ZNF107: variants seen among roughly 807,000 people sequenced by gnomAD.
ZNF107 encodes C2H2 type zinc-finger protein.
Under a neutral mutation model 12.3 loss-of-function variants are expected in ZNF107, and 19 were observed. The ratio of observed to expected loss-of-function variants is 1.55; its 90% CI spans 1.08 to 2.27. The LOEUF (loss-of-function observed/expected upper bound fraction) is 2.27, where lower values mean the gene tolerates loss of function less well. ZNF107 is among the 30% of genes most tolerant of loss of function. The pLI is 0.00. For missense variants in ZNF107, 958 were observed against 979.9 expected, an observed-to-expected ratio of 0.98 and a Z score of 0.30; for synonymous variants, 317 against 330.5, an observed-to-expected ratio of 0.96 and a Z score of 0.44.
intron 3 of ZNF107, among the ~76,000 whole-genome samples, chr7:64,700,608 C>T (rs1055302759): frequency 6.9e-6 from 1 of 144,226 alleles, no homozygotes; most frequent in Non-Finnish European, 1.5e-5. Flanking sequence ...GGCGTGATCC[C>T]AGCTCACTGC....
intron 3 of ZNF107, among the ~76,000 whole-genome samples, chr7:64,703,092 T>C (rs1463100574): frequency 6.6e-6 from 1 of 152,210 alleles, no homozygotes; most frequent in Non-Finnish European, 1.5e-5. Context: ...ATTCCATGCT[T>C]TAATTTTGTT....
In ZNF107 at chr7:64,709,988, T is replaced by G. The variant is rs1437767899; in HGVS notation, c.*1332T>G. 1 of 253,794 alleles carries G rather than the reference T, an allele frequency of 3.9e-6. No homozygotes were observed. Among genetic ancestry groups the G allele is most frequent in the African/African-American group, 2.4e-5 (1 of 42,362 alleles). The allele number at this position is 253,794 out of a possible 1,614,324, so 15.7% of individuals were successfully genotyped here. A position where few individuals can be genotyped will look rare whatever the true frequency, so the allele number is the denominator to read the frequency against. ...AAAAATTTTACAAAAATTAGCTGCGTGTGGTGGCAGGCCCCTGTAATCCCA... is the reference window on the plus strand; with the variant it reads ...AAAAATTTTACAAAAATTAGCTGCGGGTGGTGGCAGGCCCCTGTAATCCCA... On this transcript the variant is annotated 3_prime_UTR_variant, in exon 4 of 4. Coordinates refer to ENST00000620827, the MANE Select transcript of ZNF107 (RefSeq NM_001282359.2).
chr7:64,707,257 A>G lies in ZNF107; in HGVS notation c.1160A>G (p.His387Arg), dbSNP rs1790689504. The G allele has an allele frequency of 6.2e-7, 1 of 1,613,302 alleles. No individual in the cohort carries two copies. The highest frequency in any genetic ancestry group is 1.7e-5 in the Admixed American group (1 of 59,916). Residue 387 changes from histidine (H) to arginine (R), a missense_variant, in exon 4 of 4, where the codon CAT (histidine) becomes CGT (arginine). Transcript: ENST00000620827. Reference sequence around the variant, plus strand: ...AACCGATCCTTAAAACTTACTGCACATAAGAAAATTCTAATGGAAGAGAAA... The same window carrying G: ...AACCGATCCTTAAAACTTACTGCACGTAAGAAAATTCTAATGGAAGAGAAA... ...AFNRSLKLTA[H>R]KKILMEEKPY... is the part of the protein sequence containing the mutation.
intron 1 of ZNF107, chr7:64,679,191 C>T: frequency 1.0e-6 from 1 of 984,806 alleles, no homozygotes; most frequent in Non-Finnish European, 1.2e-6. Flanking sequence ...TGCCATAACA[C>T]ACATTTGATG....
rs1304024097 is a variant in ZNF107, at chr7:64,707,066, C to G, written c.969C>G (p.Asn323Lys). Residue 323 changes from asparagine (N) to lysine (K), a missense_variant, in exon 4 of 4, where the codon AAC becomes AAG. Transcript: ENST00000620827. The part of the protein sequence containing the change: ...YKCKECGKAF[N>K]LFSNLTNHKR... Reference sequence around the variant, plus strand: ...GTAAAGAATGTGGAAAAGCTTTTAACCTATTCTCAAATCTTACTAACCATA... The same window carrying G: ...GTAAAGAATGTGGAAAAGCTTTTAAGCTATTCTCAAATCTTACTAACCATA... 2 of 1,611,130 alleles carry G rather than the reference C, an allele frequency of 1.2e-6. No homozygotes were observed. The highest frequency in any genetic ancestry group is 1.7e-6 in the Non-Finnish European group (2 of 1,179,178).
At chr7:64,686,096 A>G (rs1289233587) in intron 1 of ZNF107, among the ~76,000 whole-genome samples, 6 of 152,030 alleles carry the variant, frequency 3.9e-5, no homozygotes, top group Non-Finnish European at 1.5e-5. Flanking sequence ...CTGCAGAACC[A>G]CCGTGGCTTA....
At position 64,707,899 on chromosome 7, in the gene ZNF107, C is replaced by G; in HGVS notation, c.1802C>G (p.Ala601Gly). ...KLNKCEEFGKAFKQSSHRTIH... is the reference protein window; with the variant it reads ...KLNKCEEFGKGFKQSSHRTIH... ...AACAAATGTGAAGAATTTGGCAAGG[C>G]CTTTAAACAGTCCTCACACCGTACT... Residue 601 changes from alanine (A) to glycine (G), a missense_variant, in exon 4 of 4, where the codon GCC (alanine) becomes GGC (glycine). Transcript: ENST00000620827. The G allele has an allele frequency of 6.2e-7, 1 of 1,613,660 alleles. No individual in the cohort carries two copies. The highest frequency in any genetic ancestry group is 8.5e-7 in the Non-Finnish European group (1 of 1,179,778).
At chr7:64,702,094 T>C (rs1443270858) in intron 3 of ZNF107, among the ~76,000 whole-genome samples, 1 of 152,220 alleles carries the variant, frequency 6.6e-6, no homozygotes, top group Non-Finnish European at 1.5e-5. Flanking sequence ...TCTATAAATA[T>C]TTTCATAATG....
intron 3 of ZNF107, among the ~76,000 whole-genome samples, chr7:64,695,497 G>A (rs572030836): frequency 6.6e-6 from 1 of 152,266 alleles, no homozygotes; most frequent in South Asian, 2.1e-4. Flanking sequence ...GTTTTTCAGT[G>A]TAGGTTTCTT....
intron 1 of ZNF107, among the ~76,000 whole-genome samples, chr7:64,677,936 TAGAAATAAGAGGCTTTATTCTCCTATGTG>T: frequency 6.6e-6 from 1 of 151,776 alleles, no homozygotes; most frequent in Middle Eastern, 3.4e-3. Flanking sequence ...AAATAAAAAT[TAGAAATAAGAGGCTTTATTCTCCTATGTG>T]AAAAATAAGG....
intron 1 of ZNF107, among the ~76,000 whole-genome samples, chr7:64,668,263 G>A (rs1435845905): frequency 1.3e-5 from 2 of 151,098 alleles, no homozygotes; most frequent in South Asian, 2.1e-4. Flanking sequence ...CCAGTAACTC[G>A]TCATTTAGCA....
At chr7:64,676,639 C>G (rs1034412776) in intron 1 of ZNF107, among the ~76,000 whole-genome samples, 14 of 152,140 alleles carry the variant, frequency 9.2e-5, no homozygotes, top group African/African-American at 3.1e-4. Flanking sequence ...CCTGCCTTTC[C>G]CTTTTGGTTC....
chr7:64,685,995 A>G (rs1220500945), intron 1 of ZNF107, among the ~76,000 whole-genome samples: 8 of 151,830 alleles, frequency 5.3e-5, no homozygotes, highest in Non-Finnish European at 8.8e-5. Context: ...ACTATCATAC[A>G]CTCTCAAAGG....
intron 3 of ZNF107, among the ~76,000 whole-genome samples, chr7:64,702,774 C>A (rs572184821): frequency 6.6e-6 from 1 of 151,662 alleles, no homozygotes; most frequent in Non-Finnish European, 1.5e-5. Context: ...TCAGGCTGTT[C>A]TCGAACTCTC....
At chr7:64,670,027 A>G (rs1451954045) in intron 1 of ZNF107, among the ~76,000 whole-genome samples, 1 of 152,190 alleles carries the variant, frequency 6.6e-6, no homozygotes, top group Non-Finnish European at 1.5e-5. Flanking sequence ...AGAAGCCTTT[A>G]TTCTGAGAGA....
At chr7:64,704,261 T>A (rs1790568853) in intron 3 of ZNF107, among the ~76,000 whole-genome samples, 2 of 152,204 alleles carry the variant, frequency 1.3e-5, no homozygotes, top group African/African-American at 4.8e-5. Flanking sequence ...TTATTTATTT[T>A]TTTTAGATGG....
At chr7:64,669,091 C>G (rs905640281) in intron 1 of ZNF107, 2 of 146,158 alleles carry the variant, frequency 1.4e-5, no homozygotes, top group African/African-American at 5.1e-5. Flanking sequence ...TCTCGGCTCA[C>G]TGAAACCTCC....
intron 1 of ZNF107, among the ~76,000 whole-genome samples, chr7:64,671,980 G>A (rs1178731490): frequency 1.3e-5 from 2 of 151,632 alleles, no homozygotes; most frequent in Non-Finnish European, 2.9e-5. Context: ...TAGAGATGGG[G>A]TTTCACCGTG....
At position 64,666,212 on chromosome 7, in the gene ZNF107, C is replaced by G. The variant is rs957013538; in HGVS notation, c.-71C>G. ...TCCTCTGCTCCTAGAGGCCCAGCCT[C>G]TGTGTCCCTGTGACCTGCAGATATT... On this transcript the variant is annotated 5_prime_UTR_variant, in exon 1 of 4. Coordinates refer to ENST00000620827, the MANE Select transcript of ZNF107 (RefSeq NM_001282359.2). The G allele has an allele frequency of 1.0e-5, 16 of 1,589,774 alleles. No individual in the cohort carries two copies. Among genetic ancestry groups the G allele is most frequent in the Non-Finnish European group, 1.4e-5 (16 of 1,163,458 alleles).
Sources: gnomAD v4.1 joint callset for allele counts (sites outside exome capture counted in the v4.1 genomes callset) on GRCh38, gnomAD v4.1.1 for gene constraint, MANE v1.5 for transcripts, NCBI Gene and HGNC (gene_info 2026-07-23, HGNC 2026-07-21) for gene names.